The following ABCA12 variants were observed in gnomAD, a reference collection of about 807,000 sequenced individuals.
ABCA12 encodes the protein ATP binding cassette subfamily A member 12.
Under a neutral mutation model 293.5 loss-of-function variants are expected in ABCA12, and 156 were observed. The observed-to-expected ratio is 0.53, with a 90% CI of 0.47 to 0.61. The LOEUF is 0.61. Ranked by LOEUF, ABCA12 falls within the 20% of genes least tolerant of loss-of-function variation. The pLI is 0.00. For missense variants in ABCA12, 2,797 were observed against 3,090.2 expected (o/e 0.91, Z 2.25); for synonymous variants, 1,063 against 1,108.0 (o/e 0.96, Z 0.81).
At position 214,980,628 on chromosome 2, in the gene ABCA12, A is replaced by G. The variant is rs775746978; in HGVS notation, c.4595T>C (p.Leu1532Pro). ...SKNKTARTII[L>P]STHHLDEAEV... ...AGCCTCGTCCAAGTGGTGCGTTGAC[A>G]GAATGATTGTTCTGGCTTGAAAATA... Residue 1532 changes from leucine to proline, a missense_variant, in exon 31 of 53, where the codon CTG becomes CCG. This residue lies in a region of ABCA12 where 2,130 missense variants were observed against 2,427.0 expected (regional missense o/e 0.88). Transcript: ENST00000272895. 2 of 1,614,150 alleles carry G rather than the reference A, an allele frequency of 1.2e-6. No homozygotes were observed. Among genetic ancestry groups the G allele is most frequent in the East Asian group, 2.2e-5 (1 of 44,882 alleles).
intron 18 of ABCA12, 140 bp downstream of exon 18, chr2:215,010,191 T>G: frequency 9.1e-7 from 1 of 1,104,898 alleles, no homozygotes; most frequent in Non-Finnish European, 1.3e-6. Context: ...AGAATTTTAC[T>G]AATAGTTTCA....
intron 2 of ABCA12, among the ~76,000 whole-genome samples, chr2:215,089,502 A>G (rs1208822018): frequency 1.3e-5 from 2 of 152,222 alleles, no homozygotes; most frequent in Non-Finnish European, 2.9e-5. Context: ...CTTCTGTGTG[A>G]TTGCTATTTG....
intron 22 of ABCA12, among the ~76,000 whole-genome samples, chr2:214,999,429 T>TCC (rs1328626928): frequency 3.6e-4 from 55 of 152,338 alleles, no homozygotes; most frequent in Non-Finnish European, 2.1e-4. Context: ...ATCTGGAAAG[T>TCC]ATGGACAATA....
intron 3 of ABCA12, among the ~76,000 whole-genome samples, chr2:215,059,274 G>A (rs1416480888): frequency 6.6e-6 from 1 of 151,994 alleles, no homozygotes; most frequent in Non-Finnish European, 1.5e-5. Flanking sequence ...TGCAAATAAG[G>A]ACTAAGGACA....
intron 13 of ABCA12, among the ~76,000 whole-genome samples, chr2:215,018,800 T>A (rs925833994): frequency 6.6e-6 from 1 of 152,230 alleles, no homozygotes; most frequent in Non-Finnish European, 1.5e-5. Context: ...ATCTTTTTTT[T>A]ATTTTTCAAT....
intron 2 of ABCA12, among the ~76,000 whole-genome samples, chr2:215,083,967 A>G (rs1440309660): frequency 6.6e-6 from 1 of 151,922 alleles, no homozygotes; most frequent in African/African-American, 2.4e-5. Flanking sequence ...AATATCTTTG[A>G]CCTGTACCCA....
chr2:214,947,704 A>AG, intron 47 of ABCA12, 148 bp from the exon 48 acceptor site: 1 of 890,760 alleles, frequency 1.1e-6, no homozygotes. Flanking sequence ...AATTCAACAT[A>AG]GATTTTATTT....
At position 215,045,872 on chromosome 2, in the gene ABCA12, T is replaced by C. The variant is rs769105174; in HGVS notation, c.837A>G (p.Leu279=). 1.2e-6 allele frequency: 2 copies of C among 1,613,702 alleles called. No homozygotes were observed. Among genetic ancestry groups the C allele is most frequent in the South Asian group, 2.2e-5 (2 of 91,060 alleles). The change falls in exon 7 of 53, where the codon CTA becomes CTG. Residue 279 remains leucine (L), a synonymous_variant. Coordinates refer to ENST00000272895, the MANE Select transcript of ABCA12 (RefSeq NM_173076.3). ...TTCGAAGAACATCAAATAGATTGCT[T>C]AGTGATGTGTCATTCTGAAACACAT... ...FPNVFQNDTS[L]SNLFDVLRKA...
intron 17 of ABCA12, among the ~76,000 whole-genome samples, 185 bp from the exon 18 acceptor site, chr2:215,010,655 G>T (rs1279302998): frequency 6.6e-6 from 1 of 152,082 alleles, no homozygotes; most frequent in East Asian, 1.9e-4. Context: ...TCTTTTTTAG[G>T]TGAGAAAGTT....
chr2:215,115,908 G>A (rs1198059379), intron 1 of ABCA12, among the ~76,000 whole-genome samples: 1 of 152,160 alleles, frequency 6.6e-6, no homozygotes, highest in Admixed American at 6.6e-5. Flanking sequence ...GACCAAGTGG[G>A]GTGAAGAAGG....
intron 1 of ABCA12, among the ~76,000 whole-genome samples, chr2:215,112,653 A>G (rs1702601845): frequency 6.6e-6 from 1 of 151,704 alleles, no homozygotes; most frequent in African/African-American, 2.4e-5. Context: ...ACCCGCCACC[A>G]CGCCTGGCTA....
At chr2:214,984,232 G>T (rs1350498861) in intron 28 of ABCA12, among the ~76,000 whole-genome samples, 1 of 151,588 alleles carries the variant, frequency 6.6e-6, no homozygotes, top group Non-Finnish European at 1.5e-5. Flanking sequence ...GAGTAGCTGG[G>T]ACTACAGGCA....
intron 2 of ABCA12, among the ~76,000 whole-genome samples, chr2:215,068,626 CT>C (rs967328850): frequency 6.6e-6 from 1 of 152,042 alleles, no homozygotes; most frequent in African/African-American, 2.4e-5. Flanking sequence ...CGACTTAATT[CT>C]TTTTCCTCTA....
Position 215,017,158 on chromosome 2 carries a change from T to G in ABCA12, c.1782+850A>C, listed in dbSNP as rs116763095. On this transcript the variant is annotated intron_variant, in intron 14 of 52. Coordinates refer to ENST00000272895, the MANE Select transcript of ABCA12 (RefSeq NM_173076.3). Reference sequence around the variant, plus strand: ...CTGCAATATTTTTTAAGGGGAACCTTAAAGGCTTTTTAGAAACTATCCAAT... The same window carrying G: ...CTGCAATATTTTTTAAGGGGAACCTGAAAGGCTTTTTAGAAACTATCCAAT... Among the ~76,000 whole-genome samples, 620 of 152,322 alleles carry G rather than the reference T, an allele frequency of 4.1e-3. 3 individuals are homozygous for G. The highest frequency in any genetic ancestry group is 0.014 in the African/African-American group (582 of 41,574).
chr2:214,944,276 G>A (rs1277596456), intron 49 of ABCA12, among the ~76,000 whole-genome samples: 2 of 152,074 alleles, frequency 1.3e-5, no homozygotes, highest in Non-Finnish European at 2.9e-5. Context: ...GCCGGGCATG[G>A]TAGTGGGCAC....
chr2:215,086,040 G>A (rs944490209), intron 2 of ABCA12, among the ~76,000 whole-genome samples: 1 of 152,344 alleles, frequency 6.6e-6, no homozygotes, highest in Non-Finnish European at 1.5e-5. Context: ...CCATGGGCAA[G>A]ATACTGTTTG....
intron 2 of ABCA12, among the ~76,000 whole-genome samples, chr2:215,079,757 T>G (rs894227715): frequency 3.3e-5 from 5 of 152,196 alleles, no homozygotes; most frequent in African/African-American, 1.2e-4. Context: ...TTTTTAATCT[T>G]GCGTTACTTA....
At chr2:215,074,091 GGTA>G (rs1426781095) in intron 2 of ABCA12, among the ~76,000 whole-genome samples, 2 of 151,942 alleles carry the variant, frequency 1.3e-5, no homozygotes, top group Non-Finnish European at 2.9e-5. Flanking sequence ...TGTTTTTTAG[GGTA>G]GCATTGGATA....
chr2:214,937,500 C>T lies in ABCA12; in HGVS notation c.7542+10G>A, dbSNP rs372314791. 3.7e-6 allele frequency: 6 copies of T among 1,607,784 alleles called. No individual in the cohort carries two copies. The highest frequency in any genetic ancestry group is 5.1e-6 in the Non-Finnish European group (6 of 1,174,418). ...GGCGTGAGCCACTGCACCCAGCCAT[C>T]ATCACTTACTTTTAAGTATGTTTTT... On this transcript the variant is annotated intron_variant, in intron 51 of 52. Coordinates refer to ENST00000272895, the MANE Select transcript of ABCA12 (RefSeq NM_173076.3).
Sources: gnomAD v4.1 joint callset for allele counts (sites outside exome capture counted in the v4.1 genomes callset) on GRCh38, gnomAD v4.1.1 for gene constraint, gnomAD v4.1.1 regional missense constraint, MANE v1.5 for transcripts, NCBI Gene and HGNC (gene_info 2026-07-23, HGNC 2026-07-21) for gene names.